FOCAD: variants seen among roughly 807,000 people sequenced by gnomAD.
FOCAD encodes the protein KIAA1797.
In FOCAD, 198 loss-of-function variants were observed where a neutral mutation model predicts 225.6. The ratio of observed to expected loss-of-function variants is 0.88; its 90% CI spans 0.78 to 0.99. The LOEUF (loss-of-function observed/expected upper bound fraction) is 0.99, where lower values mean the gene tolerates loss of function less well. Ranked by LOEUF, FOCAD falls within the 50% of genes least tolerant of loss-of-function variation. FOCAD has a pLI of 0.00. For synonymous variants in FOCAD, 897 were observed against 755.0 expected (o/e 1.19, Z -3.08); for missense variants, 2,713 against 2,123.6 (o/e 1.28, Z -5.46).
chr9:20,740,293 G>A lies in FOCAD; in HGVS notation c.345G>A (p.Lys115=). The part of the protein sequence containing the change: ...IMHLLQMQAL[K]EGQGGEKNIQ... ...ACTTACTACAAATGCAAGCTCTTAA[G>A]GAAGGACAAGGTGGGGAAAAGAATA... The change falls in exon 5 of 44, where the codon AAG becomes AAA. Residue 115 remains lysine (K), a synonymous_variant. Transcript: ENST00000338382. 1.2e-6 allele frequency: 2 copies of A among 1,611,860 alleles called. No homozygotes were observed. The highest frequency in any genetic ancestry group is 1.7e-6 in the Non-Finnish European group (2 of 1,178,790).
intron 27 of FOCAD, 74 bp from the exon 28 acceptor site, chr9:20,932,940 T>C (rs1395493406): frequency 4.7e-6 from 5 of 1,053,636 alleles, no homozygotes; most frequent in South Asian, 1.3e-5. Context: ...ATTGAGAGTA[T>C]AATATTGTAT....
intron 28 of FOCAD, among the ~76,000 whole-genome samples, chr9:20,944,129 T>C (rs1836938773): frequency 6.6e-6 from 1 of 152,224 alleles, no homozygotes; most frequent in African/African-American, 2.4e-5. Context: ...CTAGGAAACA[T>C]GAAACACTTA....
intron 1 of FOCAD, among the ~76,000 whole-genome samples, chr9:20,696,353 A>C (rs1823368390): frequency 6.6e-6 from 1 of 152,180 alleles, no homozygotes; most frequent in South Asian, 2.1e-4. Flanking sequence ...CACACACACA[A>C]TGGTAACAAG....
intron 31 of FOCAD, 92 bp from the exon 32 acceptor site, chr9:20,948,759 G>C (rs867294830): frequency 7.3e-7 from 1 of 1,376,690 alleles, no homozygotes; most frequent in Admixed American, 1.8e-5. Context: ...GTACCAATTC[G>C]ACCATTTATT....
intron 6 of FOCAD, among the ~76,000 whole-genome samples, chr9:20,763,406 T>C (rs1829785118): frequency 6.6e-6 from 1 of 152,114 alleles, no homozygotes; most frequent in Admixed American, 6.6e-5. Context: ...AAGTGCACTA[T>C]TATTGTGCCT....
In FOCAD at chr9:20,820,399, T is replaced by C. The variant is rs752964550; in HGVS notation, c.1636T>C (p.Leu546=). ...TPRLRAVTLR[L]LTSLWEKQDR... The stretch of plus-strand genomic sequence containing the variant: ...ACGACTAAGAGCTGTCACTTTGCGC[T>C]TGCTGACATCTTTGTGGGAAAAGCA... The change falls in exon 13 of 44, where the codon TTG becomes CTG. Residue 546 remains leucine, a synonymous_variant. Transcript: ENST00000338382. 4.5e-5 allele frequency: 72 copies of C among 1,612,700 alleles called. No individual in the cohort carries two copies. The highest frequency in any genetic ancestry group is 5.8e-5 in the Non-Finnish European group (68 of 1,179,248).
chr9:20,703,336 G>C (rs1036072470), intron 1 of FOCAD, among the ~76,000 whole-genome samples: 1 of 152,068 alleles, frequency 6.6e-6, no homozygotes, highest in Non-Finnish European at 1.5e-5. Context: ...TGTGGTTGTC[G>C]GGGTGGTTTA....
intron 11 of FOCAD, among the ~76,000 whole-genome samples, chr9:20,818,405 T>A (rs1421606828): frequency 6.6e-6 from 1 of 152,116 alleles, no homozygotes. Flanking sequence ...TTTTGTGGCT[T>A]GTACTTTTGT....
intron 5 of FOCAD, among the ~76,000 whole-genome samples, chr9:20,752,335 A>G (rs1239466444): frequency 6.6e-5 from 10 of 151,024 alleles, no homozygotes; most frequent in Non-Finnish European, 3.0e-5. Flanking sequence ...TGATTTTTGT[A>G]TAAGGTGTAA....
intron 18 of FOCAD, among the ~76,000 whole-genome samples, chr9:20,871,673 C>T (rs1046682962): frequency 6.9e-6 from 1 of 144,380 alleles, no homozygotes; most frequent in African/African-American, 2.6e-5. Flanking sequence ...AAACCAAACA[C>T]CGCATGTTCT....
chr9:20,713,027 C>G (rs545701845), intron 1 of FOCAD, among the ~76,000 whole-genome samples: 7 of 152,224 alleles, frequency 4.6e-5, no homozygotes, highest in Admixed American at 3.3e-4. Flanking sequence ...GCTACCATGC[C>G]TGGCCCTTTC....
At chr9:20,741,673 A>G (rs1827623398) in intron 5 of FOCAD, among the ~76,000 whole-genome samples, 2 of 80,982 alleles carry the variant, frequency 2.5e-5, no homozygotes, top group Admixed American at 3.2e-4. Context: ...ATCGGTAAAT[A>G]TGCTTTTTTT....
At chr9:20,797,054 A>G (rs1486157147) in intron 11 of FOCAD, among the ~76,000 whole-genome samples, 2 of 152,162 alleles carry the variant, frequency 1.3e-5, no homozygotes, top group Non-Finnish European at 2.9e-5. Context: ...TTTTCCCACC[A>G]TCATTTATTA....
At position 20,708,639 on chromosome 9, in the gene FOCAD, G is replaced by A. The variant is rs191073760; in HGVS notation, c.-32-6683G>A. On this transcript the variant is annotated intron_variant, in intron 1 of 43. Coordinates refer to ENST00000338382, the MANE Select transcript of FOCAD (RefSeq NM_001375567.1). ...TTTAAAAAAACTTTAGCCAGGCACG[G>A]TGGTGCATGCCTGTAGTCCCAGCTA... Among the ~76,000 whole-genome samples, 335 of 152,184 alleles carry A rather than the reference G, an allele frequency of 2.2e-3. 1 individual carries two copies. Among genetic ancestry groups the A allele is most frequent in the Non-Finnish European group, 3.1e-3 (211 of 67,994 alleles).
chr9:20,752,692 G>T (rs1828680732), intron 5 of FOCAD, among the ~76,000 whole-genome samples: 2 of 152,122 alleles, frequency 1.3e-5, no homozygotes, highest in South Asian at 2.1e-4. Context: ...CCAATTCTGT[G>T]AAGAAAGTCA....
intron 40 of FOCAD, 152 bp downstream of exon 40, chr9:20,986,617 GA>G: frequency 1.7e-6 from 1 of 581,070 alleles, no homozygotes; most frequent in Non-Finnish European, 2.8e-6. Flanking sequence ...AACTTGGATA[GA>G]AATTAACAGT....
chr9:20,918,618 G>A (rs925516664), intron 24 of FOCAD, among the ~76,000 whole-genome samples: 2 of 151,990 alleles, frequency 1.3e-5, no homozygotes, highest in Admixed American at 1.3e-4. Context: ...CAGCTACTTG[G>A]GAGGCTGAGG....
intron 28 of FOCAD, among the ~76,000 whole-genome samples, chr9:20,944,154 T>C (rs1836942455): frequency 6.6e-6 from 1 of 152,234 alleles, no homozygotes; most frequent in Non-Finnish European, 1.5e-5. Flanking sequence ...TACCTCATAA[T>C]CATGCCTTGC....
At chr9:20,929,041 A>G (rs766833303) in intron 26 of FOCAD, 40 of 214,582 alleles carry the variant, frequency 1.9e-4, no homozygotes, top group Non-Finnish European at 2.6e-4. Flanking sequence ...ATATATATAC[A>G]TGTGGGCTTT....
Sources: gnomAD v4.1 joint callset for allele counts (sites outside exome capture counted in the v4.1 genomes callset) on GRCh38, gnomAD v4.1.1 for gene constraint, MANE v1.5 for transcripts, NCBI Gene and HGNC (gene_info 2026-07-23, HGNC 2026-07-21) for gene names.